The following TULP3 variants were observed in gnomAD, a reference collection of about 807,000 sequenced individuals.
The protein encoded by TULP3 is TUB like protein 3.
In TULP3, 38 loss-of-function variants were observed where a neutral mutation model predicts 50.7. The observed-to-expected ratio is 0.75, with a 90% CI of 0.58 to 0.98. The LOEUF (loss-of-function observed/expected upper bound fraction) is 0.98, where lower values mean the gene tolerates loss of function less well. Among genes scored for constraint, TULP3 ranks in the 50% least tolerant of loss-of-function variants. The probability of loss-of-function intolerance (pLI) is 0.00; values close to 1 mark genes in which losing one functional copy is unlikely to be tolerated. For synonymous variants in TULP3, 183 were observed against 196.6 expected (o/e 0.93, Z 0.58); for missense variants, 550 against 568.0 (o/e 0.97, Z 0.32).
chr12:2,940,507 T>G lies in TULP3; in HGVS notation c.*1063T>G. 6.5e-7 allele frequency: 1 copy of G among 1,536,886 alleles called. No homozygotes were observed. The highest frequency in any genetic ancestry group is 1.4e-5 in the African/African-American group (1 of 72,540). On this transcript the variant is annotated 3_prime_UTR_variant, in exon 11 of 11. Transcript: ENST00000448120. ...CACCCCTCCACGTATTATGTGACTC[T>G]TACACCAGTTCACCCTTCCCAGAAT...
In TULP3 at chr12:2,922,282, G is replaced by A. The variant is rs367724509; in HGVS notation, c.274G>A (p.Val92Ile). The change falls in exon 4 of 11, where the codon GTC (valine) becomes ATC (isoleucine). Residue 92 changes from valine to isoleucine, a missense_variant. By Grantham distance (29) the Val-to-Ile change is conservative (BLOSUM62 3). Transcript: ENST00000448120. ...ILHGIDGPAA[V>I]LKPDEVHAPS... ...CTTAGGTATTGATGGTCCAGCTGCTGTCCTGAAACCAGACGAAGTTCATGC... is the reference window on the plus strand; with the variant it reads ...CTTAGGTATTGATGGTCCAGCTGCTATCCTGAAACCAGACGAAGTTCATGC... 2 of 1,613,460 alleles carry A rather than the reference G, an allele frequency of 1.2e-6. No homozygotes were observed. Among genetic ancestry groups the A allele is most frequent in the Non-Finnish European group, 1.7e-6 (2 of 1,179,908 alleles).
intron 4 of TULP3, among the ~76,000 whole-genome samples, chr12:2,926,237 T>TG (rs1242298305): frequency 1.4e-4 from 21 of 151,976 alleles, no homozygotes; most frequent in African/African-American, 5.1e-4. Context: ...TGGTGGCTCA[T>TG]GCCTGTAATC....
intron 1 of TULP3, among the ~76,000 whole-genome samples, chr12:2,892,258 CTG>C (rs2098172567): frequency 1.3e-5 from 2 of 151,896 alleles, no homozygotes; most frequent in Admixed American, 6.6e-5. Context: ...AATTTGTTCA[CTG>C]TGCTTTTTTT....
chr12:2,897,497 G>A (rs1441698925), intron 1 of TULP3, among the ~76,000 whole-genome samples: 1 of 152,232 alleles, frequency 6.6e-6, no homozygotes, highest in South Asian at 2.1e-4. Flanking sequence ...AGGCACAGTG[G>A]TTCAGGCCTA....
chr12:2,901,855 A>C (rs1176542428), intron 1 of TULP3, among the ~76,000 whole-genome samples: 3 of 152,180 alleles, frequency 2.0e-5, no homozygotes, highest in Non-Finnish European at 4.4e-5. Flanking sequence ...ATGAAGTCCA[A>C]CTTGCTGATT....
Position 2,922,412 on chromosome 12 carries a change from G to A in TULP3, c.394+10G>A, listed in dbSNP as rs1218695717. 1.9e-5 allele frequency: 31 copies of A among 1,600,440 alleles called. No homozygotes were observed. Among genetic ancestry groups the A allele is most frequent in the Non-Finnish European group, 2.6e-5 (31 of 1,176,760 alleles). ...CGTCTCCAAAAGCATGGTGAGGACTGGTAATGATTTTAAGGCAATTTGTCT... is the reference window on the plus strand; with the variant it reads ...CGTCTCCAAAAGCATGGTGAGGACTAGTAATGATTTTAAGGCAATTTGTCT... On this transcript the variant is annotated intron_variant, in intron 4 of 10. Coordinates refer to ENST00000448120, the MANE Select transcript of TULP3 (RefSeq NM_003324.5).
intron 1 of TULP3, among the ~76,000 whole-genome samples, chr12:2,900,219 C>A (rs1163072994): frequency 6.6e-6 from 1 of 152,080 alleles, no homozygotes; most frequent in East Asian, 1.9e-4. Context: ...AAGACTCTGT[C>A]TCAGAAACAA....
intron 10 of TULP3, among the ~76,000 whole-genome samples, chr12:2,938,968 T>C (rs2098203110): frequency 6.6e-6 from 1 of 152,102 alleles, no homozygotes; most frequent in Admixed American, 6.6e-5. Flanking sequence ...GTATCATAAA[T>C]AGGATCCCAG....
Position 2,938,194 on chromosome 12 carries a change from G to A in TULP3, c.1104G>A (p.Trp368Ter). ...LVELHNKAPV[W>*]NSDTQSYVLN... ...AGCTGCACAACAAGGCCCCCGTCTG[G>A]AACAGTGACACTCAGTCCTATGTCC... Residue 368 changes from tryptophan to a stop codon, truncating the protein, a stop_gained, in exon 10 of 11, where the codon TGG (tryptophan) becomes TGA (stop). Transcript: ENST00000448120. LOFTEE classifies it high-confidence loss of function. The A allele has an allele frequency of 6.2e-7, 1 of 1,614,162 alleles. No homozygotes were observed. Among genetic ancestry groups the A allele is most frequent in the Non-Finnish European group, 8.5e-7 (1 of 1,180,030 alleles).
intron 4 of TULP3, among the ~76,000 whole-genome samples, chr12:2,928,684 T>G (rs1486346558): frequency 6.6e-6 from 1 of 152,126 alleles, no homozygotes; most frequent in African/African-American, 2.4e-5. Context: ...GGCTCACACC[T>G]GTAATCCCAG....
rs763503946 is a variant in TULP3 at position 2,891,002 on chromosome 12, G to A, written c.41+14G>A. On this transcript the variant is annotated intron_variant, in intron 1 of 10. Transcript: ENST00000448120. ...CAGCGGCGACAGGTCAGACAGGGCC[G>A]TGGCAGGTCTCCTCCTGAGCGAGGC... 1.3e-6 allele frequency: 2 copies of A among 1,579,082 alleles called. No individual in the cohort carries two copies. The highest frequency in any genetic ancestry group is 2.3e-5 in the South Asian group (2 of 86,614).
At chr12:2,901,204 C>T (rs112038491) in intron 1 of TULP3, among the ~76,000 whole-genome samples, 1,984 of 151,776 alleles carry the variant, frequency 0.013, 27 homozygotes, top group Middle Eastern at 0.021. Flanking sequence ...CCTTGACCTT[C>T]CTGACTCAGG....
At position 2,922,134 on chromosome 12, in the gene TULP3, G is replaced by C. The variant is rs1376428828; in HGVS notation, c.254-128G>C. 2.7e-6 allele frequency: 3 copies of C among 1,121,618 alleles called. No individual in the cohort carries two copies. In the Admixed American group the frequency reaches 7.6e-5, roughly 28 times the overall value. 69.5% of individuals were successfully genotyped at this position (1,121,618 alleles called of 1,614,324 possible). On this transcript the variant is annotated intron_variant, in intron 3 of 10. Coordinates refer to ENST00000448120, the MANE Select transcript of TULP3 (RefSeq NM_003324.5). Reference sequence around the variant, plus strand: ...TTCTCTCTTAACAAATGTTCTTATGGATGTTAAGAAAGGAGGGCAGATAAA... The same window carrying C: ...TTCTCTCTTAACAAATGTTCTTATGCATGTTAAGAAAGGAGGGCAGATAAA...
chr12:2,901,589 G>A (rs1331173716), intron 1 of TULP3, among the ~76,000 whole-genome samples: 1 of 151,642 alleles, frequency 6.6e-6, no homozygotes, highest in Non-Finnish European at 1.5e-5. Flanking sequence ...CACCATGTTG[G>A]CCAGGCTGGT....
intron 8 of TULP3, among the ~76,000 whole-genome samples, chr12:2,935,042 C>G (rs943199823): frequency 2.0e-5 from 3 of 152,080 alleles, no homozygotes; most frequent in Non-Finnish European, 1.5e-5. Context: ...TGAGAACTAT[C>G]TAGCTCGTTC....
At chr12:2,913,201 TTG>T (rs138018559) in intron 2 of TULP3, among the ~76,000 whole-genome samples, 37 of 146,414 alleles carry the variant, frequency 2.5e-4, no homozygotes, top group South Asian at 4.3e-4. Context: ...TATGTTGAGT[TTG>T]TGTGTGTGTG....
chr12:2,909,616 A>T, intron 2 of TULP3, 36 bp downstream of exon 2: 1 of 1,568,852 alleles, frequency 6.4e-7, no homozygotes, highest in Non-Finnish European at 8.6e-7. Flanking sequence ...TAGGTGGCCA[A>T]CTATACTGAC....
intron 1 of TULP3, among the ~76,000 whole-genome samples, chr12:2,902,697 G>A (rs1310970508): frequency 6.6e-6 from 1 of 152,162 alleles, no homozygotes; most frequent in Non-Finnish European, 1.5e-5. Flanking sequence ...TGGCAGTGTG[G>A]TCTGTTGGGT....
At position 2,940,682 on chromosome 12, in the gene TULP3, T is replaced by TCA. The variant is rs1167297351; in HGVS notation, c.*1240_*1241dup. On this transcript the variant is annotated 3_prime_UTR_variant, in exon 11 of 11. Coordinates refer to ENST00000448120, the MANE Select transcript of TULP3 (RefSeq NM_003324.5). Reference sequence around the variant, plus strand: ...GACCTCCCTTCTGTGGACTGACCTCTCACCTCCGCCTGTTGTTCCTGCACC... The same window carrying TCA: ...GACCTCCCTTCTGTGGACTGACCTCTCACACCTCCGCCTGTTGTTCCTGCACC... The TCA allele has an allele frequency of 6.4e-7, 1 of 1,551,556 alleles. No homozygotes were observed. Among genetic ancestry groups the TCA allele is most frequent in the Non-Finnish European group, 8.7e-7 (1 of 1,146,980 alleles).
Sources: allele counts gnomAD v4.1 joint callset (sites outside exome capture counted in the v4.1 genomes callset), GRCh38; gene constraint gnomAD v4.1.1; transcripts MANE v1.5; gene names NCBI Gene and HGNC (gene_info 2026-07-23, HGNC 2026-07-21).